PSTPIP2: variants seen among roughly 807,000 people sequenced by gnomAD.
The protein encoded by PSTPIP2 is proline-serine-threonine phosphatase interacting protein 2, also known as proline-serine-threonine phosphatase-interacting protein 2.
In PSTPIP2, 33 loss-of-function variants were observed where a neutral mutation model predicts 63.3. The ratio of observed to expected loss-of-function variants is 0.52; its 90% CI spans 0.40 to 0.70. The LOEUF is 0.70. Ranked by LOEUF, PSTPIP2 falls within the 30% of genes least tolerant of loss-of-function variation. The probability of loss-of-function intolerance (pLI) is 0.00; values close to 1 mark genes in which losing one functional copy is unlikely to be tolerated. For synonymous variants in PSTPIP2, 125 were observed against 132.7 expected, an observed-to-expected ratio of 0.94 and a Z score of 0.40; for missense variants, 312 against 400.7, an observed-to-expected ratio of 0.78 and a Z score of 1.89.
chr18:45,992,943 C>T (rs935369821), intron 10 of PSTPIP2, among the ~76,000 whole-genome samples: 1 of 152,130 alleles, frequency 6.6e-6, no homozygotes, highest in Non-Finnish European at 1.5e-5. Context: ...CCAGACTGGT[C>T]TCGAACTCCT....
At chr18:46,049,320 T>A (rs1221646382) in intron 1 of PSTPIP2, among the ~76,000 whole-genome samples, 2 of 150,570 alleles carry the variant, frequency 1.3e-5, no homozygotes, top group Non-Finnish European at 3.0e-5. Flanking sequence ...GAGTGGAGAG[T>A]GGAAGGAGGG....
intron 1 of PSTPIP2, 193 bp from the exon 2 acceptor site, chr18:46,040,240 T>C: frequency 2.2e-6 from 1 of 460,908 alleles, no homozygotes. Context: ...CATGTTTCAG[T>C]TCCTTCAAGG....
intron 1 of PSTPIP2, among the ~76,000 whole-genome samples, chr18:46,048,497 C>T (rs1908461500): frequency 6.6e-6 from 1 of 152,202 alleles, no homozygotes; most frequent in South Asian, 2.1e-4. Context: ...TCAAAGTTAA[C>T]ACCACCAAGT....
At chr18:45,997,870 A>T in intron 8 of PSTPIP2, 42 bp from the exon 9 acceptor site, 1 of 1,577,756 alleles carries the variant, frequency 6.3e-7, no homozygotes, top group Non-Finnish European at 8.7e-7. Flanking sequence ...ACTAGACAGG[A>T]AGGTGGCTCG....
At chr18:45,986,319 T>C (rs148259856) in intron 14 of PSTPIP2, among the ~76,000 whole-genome samples, 1 of 152,306 alleles carries the variant, frequency 6.6e-6, no homozygotes, top group East Asian at 1.9e-4. Context: ...AGTGAAATGA[T>C]ATAACTCAAG....
chr18:46,070,271 A>T (rs1397637878), intron 1 of PSTPIP2, among the ~76,000 whole-genome samples: 1 of 152,194 alleles, frequency 6.6e-6, no homozygotes, highest in Non-Finnish European at 1.5e-5. Flanking sequence ...GACATTAGAG[A>T]GTACTCACTG....
intron 13 of PSTPIP2, among the ~76,000 whole-genome samples, 172 bp from the exon 14 acceptor site, chr18:45,988,931 G>A (rs1048745585): frequency 6.6e-6 from 1 of 152,166 alleles, no homozygotes; most frequent in Non-Finnish European, 1.5e-5. Flanking sequence ...CCAAACCAGA[G>A]GACATTCTGG....
chr18:46,016,800 A>C (rs1252284925), intron 3 of PSTPIP2, among the ~76,000 whole-genome samples: 3 of 152,320 alleles, frequency 2.0e-5, no homozygotes, highest in Admixed American at 2.0e-4. Flanking sequence ...GAATCTGCTT[A>C]CTCAAGGTTA....
At chr18:45,992,832 C>T (rs888132053) in intron 10 of PSTPIP2, among the ~76,000 whole-genome samples, 2 of 152,104 alleles carry the variant, frequency 1.3e-5, no homozygotes, top group African/African-American at 4.8e-5. Flanking sequence ...AAGCAATTCC[C>T]CTGCCTCAGC....
chr18:46,048,855 T>G (rs1176500290), intron 1 of PSTPIP2, among the ~76,000 whole-genome samples: 1 of 152,172 alleles, frequency 6.6e-6, no homozygotes, highest in African/African-American at 2.4e-5. Context: ...GCTAATAGCA[T>G]TATATTGATG....
At chr18:46,021,429 G>GTGTA (rs1555689224) in intron 3 of PSTPIP2, among the ~76,000 whole-genome samples, 2 of 21,854 alleles carry the variant, frequency 9.2e-5, no homozygotes, top group South Asian at 5.7e-3. Context: ...ATGTGTATGT[G>GTGTA]TATATATATA....
In PSTPIP2 at chr18:46,030,863, T is replaced by A. The variant is rs1004358291; in HGVS notation, c.135-6177A>T. On this transcript the variant is annotated intron_variant, in intron 2 of 14. Transcript: ENST00000409746. ...CTTGTTCCACTGGCTTCTGTCATTG[T>A]ACAGAAGCCTGGGGCCATCCCAAAT... is the stretch of plus-strand genomic sequence containing the variant. 2.0e-5 allele frequency among the ~76,000 whole-genome samples: 3 copies of A among 152,244 alleles called. No homozygotes were observed. In the South Asian group the frequency reaches 6.2e-4, roughly 31 times the overall value.
intron 1 of PSTPIP2, among the ~76,000 whole-genome samples, chr18:46,049,763 C>A (rs1453977924): frequency 6.6e-6 from 1 of 152,106 alleles, no homozygotes; most frequent in East Asian, 1.9e-4. Flanking sequence ...GCCTGTAATC[C>A]CAGTTACTTG....
chr18:45,999,252 C>T (rs142970196), intron 7 of PSTPIP2, among the ~76,000 whole-genome samples, 184 bp downstream of exon 7: 245 of 152,322 alleles, frequency 1.6e-3, no homozygotes, highest in African/African-American at 5.6e-3. Flanking sequence ...ATGCTTCTGT[C>T]GCTCTTCCCC....
chr18:46,053,363 T>C (rs1908645784), intron 1 of PSTPIP2, among the ~76,000 whole-genome samples: 1 of 152,214 alleles, frequency 6.6e-6, no homozygotes, highest in Non-Finnish European at 1.5e-5. Context: ...GTTTTATATA[T>C]TCAAATTTCA....
intron 2 of PSTPIP2, chr18:46,028,403 G>A: frequency 3.8e-6 from 2 of 524,984 alleles, no homozygotes; most frequent in Non-Finnish European, 7.5e-6. Context: ...AGCGCGGCGA[G>A]GGAAGAGGAG....
At chr18:46,017,755 C>T (rs1175118405) in intron 3 of PSTPIP2, among the ~76,000 whole-genome samples, 8 of 152,106 alleles carry the variant, frequency 5.3e-5, no homozygotes, top group Admixed American at 3.9e-4. Context: ...CATGTACTTA[C>T]ACTTTTTGTG....
At chr18:46,010,820 A>G (rs1043562463) in intron 5 of PSTPIP2, 7 of 194,802 alleles carry the variant, frequency 3.6e-5, no homozygotes, top group Non-Finnish European at 7.6e-5. Flanking sequence ...CCCTTCCCCT[A>G]TTGCCTTGTC....
intron 3 of PSTPIP2, among the ~76,000 whole-genome samples, chr18:46,020,717 A>G (rs1907315728): frequency 6.6e-6 from 1 of 152,174 alleles, no homozygotes; most frequent in Non-Finnish European, 1.5e-5. Flanking sequence ...GGTGACAAAA[A>G]CAAGTCACCT....
Sources: allele counts gnomAD v4.1 joint callset (sites outside exome capture counted in the v4.1 genomes callset), GRCh38; gene constraint gnomAD v4.1.1; transcripts MANE v1.5; gene names NCBI Gene and HGNC (gene_info 2026-07-23, HGNC 2026-07-21).